The following PDZRN4 variants were observed in gnomAD, a reference collection of about 807,000 sequenced individuals.
The protein encoded by PDZRN4 is PDZ domain-containing RING finger protein 4.
A neutral mutation model predicts 99.0 loss-of-function variants in PDZRN4; 70 were observed. That is an observed-to-expected ratio of 0.71 (90% CI 0.58 to 0.86). The LOEUF is 0.86. Ranked by LOEUF, PDZRN4 falls within the 40% of genes least tolerant of loss-of-function variation. The pLI, the probability that PDZRN4 is intolerant of heterozygous loss-of-function variation, is 0.00. For missense variants in PDZRN4, 1,474 were observed against 1,331.2 expected (o/e 1.11, Z -1.67); for synonymous variants, 551 against 501.6 (o/e 1.10, Z -1.32).
At chr12:41,491,482 A>G (rs1032371739) in intron 3 of PDZRN4, among the ~76,000 whole-genome samples, 3 of 152,148 alleles carry the variant, frequency 2.0e-5, no homozygotes, top group East Asian at 1.9e-4. Flanking sequence ...AGATCATGCC[A>G]CTGCACTCCA....
intron 3 of PDZRN4, among the ~76,000 whole-genome samples, chr12:41,258,873 A>G (rs557714339): frequency 6.6e-6 from 1 of 152,214 alleles, no homozygotes; most frequent in East Asian, 1.9e-4. Context: ...GATTAATGTT[A>G]TGAGTAGTGA....
intron 3 of PDZRN4, among the ~76,000 whole-genome samples, chr12:41,418,242 A>G (rs1952460120): frequency 6.6e-6 from 1 of 152,216 alleles, no homozygotes; most frequent in African/African-American, 2.4e-5. Flanking sequence ...ATCTAAATTG[A>G]AAAACTTGGA....
At chr12:41,401,240 C>G (rs1952286680) in intron 3 of PDZRN4, among the ~76,000 whole-genome samples, 1 of 152,036 alleles carries the variant, frequency 6.6e-6, no homozygotes, top group South Asian at 2.1e-4. Context: ...ATGCCCATAG[C>G]CGAATGAATA....
At chr12:41,226,315 A>T (rs1950994460) in intron 3 of PDZRN4, among the ~76,000 whole-genome samples, 1 of 151,812 alleles carries the variant, frequency 6.6e-6, no homozygotes, top group South Asian at 2.1e-4. Context: ...TTTTCTCCAT[A>T]GTACTAGCAT....
At chr12:41,527,850 G>A (rs1285039766) in intron 5 of PDZRN4, among the ~76,000 whole-genome samples, 1 of 152,166 alleles carries the variant, frequency 6.6e-6, no homozygotes, top group Non-Finnish European at 1.5e-5. Flanking sequence ...GACTGATTCT[G>A]TCTCACTCTG....
At chr12:41,495,690 T>C (rs892698350) in intron 3 of PDZRN4, among the ~76,000 whole-genome samples, 3 of 152,110 alleles carry the variant, frequency 2.0e-5, no homozygotes, top group African/African-American at 7.2e-5. Flanking sequence ...AAAGGTATTT[T>C]TTAAAAATCC....
chr12:41,311,747 CAG>C (rs796549544), intron 3 of PDZRN4, among the ~76,000 whole-genome samples: 54 of 152,182 alleles, frequency 3.5e-4, no homozygotes, highest in African/African-American at 1.3e-3. Flanking sequence ...TCTGTAGAAA[CAG>C]AAATACATTT....
intron 3 of PDZRN4, among the ~76,000 whole-genome samples, chr12:41,340,755 C>G (rs11180838): frequency 0.39 from 58,494 of 151,404 alleles, 11,395 homozygotes; most frequent in South Asian, 0.42. Context: ...AAAAGGCCCA[C>G]GACCCATTGG....
At chr12:41,190,217 G>C (rs1950727731) in intron 1 of PDZRN4, among the ~76,000 whole-genome samples, 1 of 152,144 alleles carries the variant, frequency 6.6e-6, no homozygotes, top group African/African-American at 2.4e-5. Context: ...CGCCCGTCTT[G>C]AACGTAAAAG....
At chr12:41,469,957 AT>A (rs982344673) in intron 3 of PDZRN4, among the ~76,000 whole-genome samples, 2 of 152,148 alleles carry the variant, frequency 1.3e-5, no homozygotes, top group South Asian at 2.1e-4. Context: ...AATAAAAAAA[AT>A]AAAAATAAAT....
At chr12:41,555,869 A>G (rs901449925) in intron 7 of PDZRN4, 109 bp downstream of exon 7, 56 of 894,376 alleles carry the variant, frequency 6.3e-5, no homozygotes, top group Middle Eastern at 2.2e-4. Flanking sequence ...GCTTTTGGAT[A>G]CTAACATCTA....
chr12:41,338,548 C>A (rs1268711080), intron 3 of PDZRN4, among the ~76,000 whole-genome samples: 2 of 151,242 alleles, frequency 1.3e-5, no homozygotes, highest in African/African-American at 4.9e-5. Context: ...ATAAAAAAAT[C>A]AACAAAACTT....
intron 3 of PDZRN4, among the ~76,000 whole-genome samples, chr12:41,341,200 G>A (rs1951814523): frequency 6.6e-6 from 1 of 151,172 alleles, no homozygotes; most frequent in Non-Finnish European, 1.5e-5. Context: ...TAGGTATGGA[G>A]AATATGCATC....
chr12:41,549,109 C>A (rs2120789983), intron 5 of PDZRN4, among the ~76,000 whole-genome samples: 1 of 152,286 alleles, frequency 6.6e-6, no homozygotes, highest in Middle Eastern at 3.4e-3. Flanking sequence ...ATGGTTAGCG[C>A]TGCCATCCAT....
intron 3 of PDZRN4, among the ~76,000 whole-genome samples, chr12:41,501,781 C>A (rs576155965): frequency 6.6e-4 from 101 of 152,224 alleles, no homozygotes; most frequent in Non-Finnish European, 1.2e-3. Flanking sequence ...AATATATAAT[C>A]TTTAAGGATA....
chr12:41,226,229 G>A (rs1043509329), intron 3 of PDZRN4, among the ~76,000 whole-genome samples: 2 of 151,950 alleles, frequency 1.3e-5, no homozygotes, highest in Non-Finnish European at 2.9e-5. Context: ...GGTCCGTGGT[G>A]AGCATTTGCC....
intron 3 of PDZRN4, among the ~76,000 whole-genome samples, chr12:41,272,253 A>G (rs1951319212): frequency 6.6e-6 from 1 of 152,114 alleles, no homozygotes; most frequent in African/African-American, 2.4e-5. Context: ...CCAAAGTGCC[A>G]ATGATATGTG....
intron 3 of PDZRN4, among the ~76,000 whole-genome samples, chr12:41,435,594 C>T (rs1952622381): frequency 6.6e-6 from 1 of 152,158 alleles, no homozygotes; most frequent in Non-Finnish European, 1.5e-5. Context: ...CGAGACCTTC[C>T]TGGCTAACAT....
Position 41,385,352 on chromosome 12 carries a change from G to A in PDZRN4, c.844-121104G>A, listed in dbSNP as rs547058930. Among the ~76,000 whole-genome samples, 12 of 152,234 alleles carry A rather than the reference G, an allele frequency of 7.9e-5. 1 individual carries two copies. Among genetic ancestry groups the A allele is most frequent in the East Asian group, 7.7e-4 (4 of 5,166 alleles). Reference sequence around the variant, plus strand: ...TCCAGACAGAAGGAACAGCCAAAGCGAAGTAAAATGGACATGCTATTAGCC... The same window carrying A: ...TCCAGACAGAAGGAACAGCCAAAGCAAAGTAAAATGGACATGCTATTAGCC... On this transcript the variant is annotated intron_variant, in intron 3 of 9. Coordinates refer to ENST00000402685, the MANE Select transcript of PDZRN4 (RefSeq NM_001164595.2).
Sources: gnomAD v4.1 joint callset for allele counts (sites outside exome capture counted in the v4.1 genomes callset) on GRCh38, gnomAD v4.1.1 for gene constraint, MANE v1.5 for transcripts, NCBI Gene and HGNC (gene_info 2026-07-23, HGNC 2026-07-21) for gene names.